The following ABTB3 variants were observed in gnomAD, a reference collection of about 807,000 sequenced individuals.
ABTB3 encodes the protein ankyrin repeat and BTB domain containing 3, also known as ankyrin repeat- and BTB/POZ domain-containing protein 3.
the ABTB3 span, among the ~76,000 whole-genome samples, chr12:107,623,061 CT>C: frequency 0.042 from 5,781 of 138,164 alleles, 114 homozygotes; most frequent in South Asian, 0.088. Flanking sequence ...GCTTATTTGT[CT>C]TTTTTTTTTT....
At chr12:107,608,710 A>G in the ABTB3 span, among the ~76,000 whole-genome samples, 1 of 151,412 alleles carries the variant, frequency 6.6e-6, no homozygotes, top group Non-Finnish European at 1.5e-5. Flanking sequence ...TCTTTACAAA[A>G]ATTTTTTTTG....
the ABTB3 span, among the ~76,000 whole-genome samples, chr12:107,412,237 G>A: frequency 6.6e-6 from 1 of 152,134 alleles, no homozygotes; most frequent in African/African-American, 2.4e-5. Flanking sequence ...AGCCCATGTG[G>A]CAAACATAAT....
chr12:107,379,488 T>C, the ABTB3 span, among the ~76,000 whole-genome samples: 4 of 152,268 alleles, frequency 2.6e-5, no homozygotes, highest in African/African-American at 9.6e-5. Context: ...AAGACGTGCC[T>C]TTGCTCCTCC....
chr12:107,381,065 C>G, the ABTB3 span, among the ~76,000 whole-genome samples: 8 of 148,558 alleles, frequency 5.4e-5, no homozygotes, highest in Admixed American at 3.4e-4. Context: ...ATAGCTGTTC[C>G]TGACCATTCT....
the ABTB3 span, among the ~76,000 whole-genome samples, chr12:107,629,607 C>A: frequency 1.4e-5 from 2 of 145,976 alleles, no homozygotes; most frequent in Admixed American, 6.9e-5. Flanking sequence ...CAGGCCTGGC[C>A]CCACCCCCAC....
chr12:107,596,660 G>T, the ABTB3 span, among the ~76,000 whole-genome samples: 2 of 152,042 alleles, frequency 1.3e-5, no homozygotes, highest in Admixed American at 1.3e-4. Flanking sequence ...TTCAAACACC[G>T]TATTGGCACA....
the ABTB3 span, among the ~76,000 whole-genome samples, chr12:107,549,378 A>G: frequency 3.9e-5 from 6 of 152,244 alleles, no homozygotes; most frequent in African/African-American, 1.2e-4. Flanking sequence ...GACAAGTGAG[A>G]TTCAAACTTC....
chr12:107,370,261 C>T, the ABTB3 span, among the ~76,000 whole-genome samples: 65,894 of 152,124 alleles, frequency 0.43, 17,308 homozygotes, highest in African/African-American at 0.75. Context: ...TCTTTCGTTC[C>T]TTCTGTGTAT....
the ABTB3 span, among the ~76,000 whole-genome samples, chr12:107,424,982 C>T: frequency 6.6e-6 from 1 of 152,186 alleles, no homozygotes; most frequent in Non-Finnish European, 1.5e-5. Flanking sequence ...AACTGGTCTC[C>T]CCACTCCAGT....
chr12:107,641,362 G>C, the ABTB3 span, among the ~76,000 whole-genome samples: 1 of 152,176 alleles, frequency 6.6e-6, no homozygotes, highest in Non-Finnish European at 1.5e-5. Flanking sequence ...AACATTAGGG[G>C]AAGCTGGGTG....
chr12:107,602,933 G>A, the ABTB3 span, among the ~76,000 whole-genome samples: 1 of 152,130 alleles, frequency 6.6e-6, no homozygotes, highest in South Asian at 2.1e-4. Flanking sequence ...CTCGGGGCTG[G>A]GGCACTTGAG....
the ABTB3 span, among the ~76,000 whole-genome samples, chr12:107,489,022 AC>A: frequency 1.3e-5 from 2 of 152,206 alleles, no homozygotes; most frequent in Non-Finnish European, 2.9e-5. Flanking sequence ...AAAAAGGAGT[AC>A]AAAGGCATCT....
the ABTB3 span, among the ~76,000 whole-genome samples, chr12:107,470,962 C>T: frequency 6.6e-6 from 1 of 152,262 alleles, no homozygotes; most frequent in African/African-American, 2.4e-5. Flanking sequence ...CAACTGTATC[C>T]CCAGCCCCTT....
the ABTB3 span, among the ~76,000 whole-genome samples, chr12:107,344,186 C>A: frequency 6.6e-6 from 1 of 152,134 alleles, no homozygotes; most frequent in African/African-American, 2.4e-5. Context: ...GGGTACCTAC[C>A]AGTGGAGTCA....
chr12:107,613,981 C>T, the ABTB3 span, among the ~76,000 whole-genome samples: 3 of 152,072 alleles, frequency 2.0e-5, no homozygotes, highest in Non-Finnish European at 2.9e-5. Context: ...ATTTTCCCTC[C>T]TGCTATGAAT....
the ABTB3 span, among the ~76,000 whole-genome samples, chr12:107,332,227 G>C: frequency 6.6e-6 from 1 of 152,184 alleles, no homozygotes; most frequent in Non-Finnish European, 1.5e-5. Flanking sequence ...GATCACACCA[G>C]GTTCTGGTGT....
chr12:107,598,635 A>G, the ABTB3 span, among the ~76,000 whole-genome samples: 103 of 152,364 alleles, frequency 6.8e-4, no homozygotes, highest in African/African-American at 2.1e-3. Context: ...AAAACAGAGA[A>G]GCTAATATGT....
the ABTB3 span, among the ~76,000 whole-genome samples, chr12:107,468,096 C>T: frequency 6.6e-6 from 1 of 152,154 alleles, no homozygotes; most frequent in Non-Finnish European, 1.5e-5. Context: ...GCCAGTCATC[C>T]TCTGCTCCCT....
the ABTB3 span, among the ~76,000 whole-genome samples, chr12:107,542,311 C>CAAAAAA: frequency 1.3e-4 from 16 of 119,190 alleles, no homozygotes; most frequent in South Asian, 1.6e-3. Context: ...AACTCTGTCT[C>CAAAAAA]AAAAAAAAAA....
Sources: gnomAD v4.1 joint callset for allele counts (sites outside exome capture counted in the v4.1 genomes callset) on GRCh38, gnomAD v4.1.1 for gene constraint, MANE v1.5 for transcripts, NCBI Gene and HGNC (gene_info 2026-07-23, HGNC 2026-07-21) for gene names.